The following NBR1 variants were observed in gnomAD, a reference collection of about 807,000 sequenced individuals.
NBR1 encodes the protein next to BRCA1 gene 1 protein.
NBR1 carries 59 observed loss-of-function variants against 115.5 expected under a neutral mutation model. The ratio of observed to expected loss-of-function variants is 0.51; its 90% CI spans 0.41 to 0.63. The LOEUF (loss-of-function observed/expected upper bound fraction) is 0.63, where lower values mean the gene tolerates loss of function less well. Among genes scored for constraint, NBR1 ranks in the 30% least tolerant of loss-of-function variants. NBR1 has a pLI of 0.00. For missense variants in NBR1, 1,043 were observed against 1,150.5 expected, an observed-to-expected ratio of 0.91 and a Z score of 1.35; for synonymous variants, 373 against 414.7, an observed-to-expected ratio of 0.90 and a Z score of 1.22.
At chr17:43,208,817 A>T (rs574371882) in intron 20 of NBR1, among the ~76,000 whole-genome samples, 1 of 152,206 alleles carries the variant, frequency 6.6e-6, no homozygotes, top group Non-Finnish European at 1.5e-5. Flanking sequence ...AAATTTAAAA[A>T]TTTGCCGGGC....
At chr17:43,186,806 GA>G (rs1350260272) in intron 6 of NBR1, among the ~76,000 whole-genome samples, 1 of 152,138 alleles carries the variant, frequency 6.6e-6, no homozygotes, top group Non-Finnish European at 1.5e-5. Flanking sequence ...TGCTAAGAAT[GA>G]TGGTTTCCAG....
At position 43,193,468 on chromosome 17, in the gene NBR1, G is replaced by A. The variant is rs781271792; in HGVS notation, c.1354G>A (p.Glu452Lys). The A allele has an allele frequency of 5.6e-6, 9 of 1,613,816 alleles. No individual in the cohort carries two copies. Among genetic ancestry groups the A allele is most frequent in the Non-Finnish European group, 7.6e-6 (9 of 1,179,884 alleles). ...TGTGGAGTTCATTGCCCCAGCCTTG[G>A]AGGGAACGTATACTTCCCATTGGCG... The part of the protein sequence containing the change: ...VSVEFIAPAL[E>K]GTYTSHWRLS... Residue 452 changes from glutamate to lysine, a missense_variant, in exon 12 of 21, where the codon GAG becomes AAG. Physicochemically the swap from Glu to Lys is moderately conservative, Grantham distance 56. Transcript: ENST00000590996.
At chr17:43,175,271 T>A (rs914003445) in intron 1 of NBR1, among the ~76,000 whole-genome samples, 70 of 152,126 alleles carry the variant, frequency 4.6e-4, no homozygotes, top group African/African-American at 1.5e-3. Flanking sequence ...AGGACAACCC[T>A]CCTTCTGCAA....
chr17:43,193,634 A>C lies in NBR1; in HGVS notation c.1520A>C (p.Gln507Pro). The C allele has an allele frequency of 3.7e-6, 6 of 1,606,488 alleles. No homozygotes were observed. Among genetic ancestry groups the C allele is most frequent in the Non-Finnish European group, 2.6e-6 (3 of 1,176,158 alleles). ...AAAACTGATGATCTCACCTGCCAGC[A>C]AGAGGTGAGCATTGACTGACAGGCT... ...SSKTDDLTCQ[Q>P]EETFLLAKEE... Residue 507 changes from glutamine to proline, a missense_variant, in exon 12 of 21, where the codon CAA becomes CCA. By Grantham distance (76) the Gln-to-Pro change is moderately conservative (BLOSUM62 -1). Coordinates refer to ENST00000590996, the MANE Select transcript of NBR1 (RefSeq NM_005899.5).
In NBR1 at chr17:43,196,539, C is replaced by T; in HGVS notation, c.1809C>T (p.Gly603=). 6.2e-7 allele frequency: 1 copy of T among 1,606,806 alleles called. No individual in the cohort carries two copies. Among genetic ancestry groups the T allele is most frequent in the Non-Finnish European group, 8.5e-7 (1 of 1,177,574 alleles). The change falls in exon 15 of 21, where the codon GGC becomes GGT. Residue 603 remains glycine, a synonymous_variant. Coordinates refer to ENST00000590996, the MANE Select transcript of NBR1 (RefSeq NM_005899.5). ...ACAGTCCTTTAATAGAGAAGCCAGG[C>T]TTGGGGCAGATAGAGGAAGAGAATG... is the stretch of plus-strand genomic sequence containing the variant. ...PHDSPLIEKP[G]LGQIEEENEG...
At chr17:43,204,441 G>A (rs1274090133) in intron 20 of NBR1, among the ~76,000 whole-genome samples, 1 of 151,796 alleles carries the variant, frequency 6.6e-6, no homozygotes, top group Admixed American at 6.6e-5. Context: ...AGGCCAAGGT[G>A]GGAGGATTGC....
At chr17:43,182,211 CTTTT>C (rs752789312) in intron 5 of NBR1, among the ~76,000 whole-genome samples, 13 of 71,570 alleles carry the variant, frequency 1.8e-4, no homozygotes, top group African/African-American at 6.2e-4. Context: ...CTGTTCTCTC[CTTTT>C]TTTTTTTTTT....
intron 6 of NBR1, 122 bp from the exon 7 acceptor site, chr17:43,188,920 C>G (rs988386549): frequency 1.4e-5 from 10 of 704,168 alleles, no homozygotes; most frequent in Non-Finnish European, 2.4e-5. Context: ...CATACTGTGA[C>G]TTTTTAAAAA....
In NBR1 at chr17:43,210,375, T is replaced by C; in HGVS notation, c.*301T>C. On this transcript the variant is annotated 3_prime_UTR_variant, in exon 21 of 21. Coordinates refer to ENST00000590996, the MANE Select transcript of NBR1 (RefSeq NM_005899.5). The stretch of plus-strand genomic sequence containing the variant: ...AACTTCATATAGAACCATTTTTCTT[T>C]CTGCTTTTATTGAAACTGAGTATTT... 1 of 394,034 alleles carries C rather than the reference T, an allele frequency of 2.5e-6. No individual in the cohort carries two copies. The highest frequency in any genetic ancestry group is 4.5e-6 in the Non-Finnish European group (1 of 223,814). The allele number at this position is 394,034 out of a possible 1,614,324, so 24.4% of individuals were successfully genotyped here. A position where few individuals can be genotyped will look rare whatever the true frequency, so the allele number is the denominator to read the frequency against.
intron 5 of NBR1, among the ~76,000 whole-genome samples, chr17:43,184,849 T>C (rs1391687273): frequency 6.6e-6 from 1 of 151,832 alleles, no homozygotes; most frequent in Non-Finnish European, 1.5e-5. Flanking sequence ...CCCAGCACTT[T>C]GGGAGGCTGA....
intron 4 of NBR1, among the ~76,000 whole-genome samples, chr17:43,179,982 G>A (rs1362650261): frequency 2.6e-5 from 4 of 152,082 alleles, no homozygotes; most frequent in Non-Finnish European, 5.9e-5. Context: ...GGATTTAAGG[G>A]GAAGAACTGA....
chr17:43,205,199 C>T (rs2057290810), intron 20 of NBR1, among the ~76,000 whole-genome samples: 1 of 151,972 alleles, frequency 6.6e-6, no homozygotes, highest in Non-Finnish European at 1.5e-5. Context: ...ACTAAAAATA[C>T]AAAAATTAGC....
chr17:43,179,847 T>A (rs1362036119), intron 4 of NBR1, among the ~76,000 whole-genome samples: 1 of 152,204 alleles, frequency 6.6e-6, no homozygotes, highest in Non-Finnish European at 1.5e-5. Context: ...TTTCCCACGA[T>A]AGCCCCTAAA....
chr17:43,176,740 T>C (rs553735711), intron 2 of NBR1: 6 of 152,308 alleles, frequency 3.9e-5, no homozygotes, highest in Admixed American at 1.3e-4. Context: ...TTATCTTTCT[T>C]TTCCTAGTAG....
At chr17:43,192,496 G>A (rs1280278503) in intron 10 of NBR1, among the ~76,000 whole-genome samples, 2 of 152,008 alleles carry the variant, frequency 1.3e-5, no homozygotes, top group African/African-American at 4.8e-5. Context: ...AGCCTCCCGA[G>A]TAACTGGGAC....
chr17:43,188,932 T>C (rs537886390), intron 6 of NBR1, 110 bp from the exon 7 acceptor site: 1 of 767,400 alleles, frequency 1.3e-6, no homozygotes, highest in African/African-American at 1.8e-5. Context: ...TTTTAAAAAA[T>C]TATATACTTG....
intron 16 of NBR1, among the ~76,000 whole-genome samples, chr17:43,198,746 G>A (rs2057125044): frequency 6.6e-6 from 1 of 152,112 alleles, no homozygotes; most frequent in Non-Finnish European, 1.5e-5. Context: ...CGGATCATGA[G>A]GTCAGGAGAT....
chr17:43,197,561 C>T (rs2057098936), intron 16 of NBR1, among the ~76,000 whole-genome samples: 1 of 151,906 alleles, frequency 6.6e-6, no homozygotes, highest in African/African-American at 2.4e-5. Context: ...TGTCTTTAGA[C>T]TCTACGTATG....
At chr17:43,196,361 T>C in intron 14 of NBR1, 120 bp from the exon 15 acceptor site, 1 of 594,904 alleles carries the variant, frequency 1.7e-6, no homozygotes, top group Non-Finnish European at 2.8e-6. Context: ...TCAAAGCATA[T>C]CTTGGTTTAT....
Sources: gnomAD v4.1 joint callset for allele counts (sites outside exome capture counted in the v4.1 genomes callset) on GRCh38, gnomAD v4.1.1 for gene constraint, MANE v1.5 for transcripts, NCBI Gene and HGNC (gene_info 2026-07-23, HGNC 2026-07-21) for gene names.